The following CDH12 variants were observed in gnomAD, a reference collection of about 807,000 sequenced individuals.
CDH12 encodes the protein cadherin-12.
A neutral mutation model predicts 74.1 loss-of-function variants in CDH12; 41 were observed. The ratio of observed to expected loss-of-function variants is 0.55; its 90% CI spans 0.43 to 0.72. The LOEUF (loss-of-function observed/expected upper bound fraction) is 0.72. CDH12 is among the 30% of genes least tolerant of loss of function. CDH12 has a pLI of 0.00. For missense variants in CDH12, 945 were observed against 977.2 expected (o/e 0.97, Z 0.44); for synonymous variants, 399 against 355.0 (o/e 1.12, Z -1.39).
At chr5:22,693,340 A>G (rs1742183181) in intron 1 of CDH12, among the ~76,000 whole-genome samples, 1 of 152,166 alleles carries the variant, frequency 6.6e-6, no homozygotes, top group South Asian at 2.1e-4. Context: ...AAGAAGCCTC[A>G]CTGCCTTGGC....
chr5:21,991,780 G>A (rs943990706), intron 5 of CDH12, among the ~76,000 whole-genome samples: 2 of 151,326 alleles, frequency 1.3e-5, no homozygotes, highest in Non-Finnish European at 3.0e-5. Context: ...AAATGGATTT[G>A]AATGTGTAAT....
At chr5:22,094,007 G>A (rs1743592638) in intron 4 of CDH12, among the ~76,000 whole-genome samples, 1 of 152,104 alleles carries the variant, frequency 6.6e-6, no homozygotes, top group South Asian at 2.1e-4. Context: ...ATGTGCTAGT[G>A]CCTCACTGCT....
chr5:22,681,297 C>A (rs985664597), intron 1 of CDH12, among the ~76,000 whole-genome samples: 1 of 146,512 alleles, frequency 6.8e-6, no homozygotes, highest in Non-Finnish European at 1.5e-5. Flanking sequence ...GTTTTTTTTT[C>A]TAACTATTGA....
At chr5:21,930,720 T>C (rs1754795650) in intron 6 of CDH12, among the ~76,000 whole-genome samples, 1 of 152,222 alleles carries the variant, frequency 6.6e-6, no homozygotes, top group South Asian at 2.1e-4. Context: ...AATAAGAATG[T>C]AGCACAGTAT....
chr5:22,236,353 G>T (rs920351574), intron 3 of CDH12, among the ~76,000 whole-genome samples: 5 of 152,112 alleles, frequency 3.3e-5, no homozygotes, highest in African/African-American at 9.7e-5. Flanking sequence ...AGCTGTACAA[G>T]AATATTTTAT....
In CDH12 at chr5:21,751,609, AGT is replaced by A. The variant is rs1554025827; in HGVS notation, c.*126_*127del. ...GGTAATCAAAGGAATCTTGTCCCAGAGTGTGTGTGTGTGTGTGTGTGTTTGTG... is the reference window on the plus strand; with the variant it reads ...GGTAATCAAAGGAATCTTGTCCCAGAGTGTGTGTGTGTGTGTGTGTTTGTG... On this transcript the variant is annotated 3_prime_UTR_variant, in exon 15 of 15. Transcript: ENST00000382254. 2.1e-3 allele frequency: 1,163 copies of A among 550,848 alleles called. 2 individuals carry two copies. The highest frequency in any genetic ancestry group is 0.013 in the East Asian group (423 of 33,030). 34.1% of individuals were successfully genotyped at this position (550,848 alleles called of 1,614,324 possible).
At chr5:22,138,042 T>C (rs1262769913) in intron 4 of CDH12, among the ~76,000 whole-genome samples, 2 of 152,112 alleles carry the variant, frequency 1.3e-5, no homozygotes, top group African/African-American at 4.8e-5. Flanking sequence ...AAAATTATCA[T>C]ATGAAAACCA....
chr5:22,373,165 C>A (rs1449319914), intron 3 of CDH12, among the ~76,000 whole-genome samples: 2 of 152,166 alleles, frequency 1.3e-5, no homozygotes, highest in Non-Finnish European at 2.9e-5. Context: ...ATCAAGGGGC[C>A]TGGATATCCT....
chr5:22,462,524 T>C (rs1745563232), intron 2 of CDH12, among the ~76,000 whole-genome samples: 2 of 152,172 alleles, frequency 1.3e-5, no homozygotes, highest in South Asian at 4.1e-4. Context: ...CTGGGTGGCA[T>C]CGTGGCAGGC....
chr5:21,787,139 G>A (rs895181326), intron 10 of CDH12, among the ~76,000 whole-genome samples: 12 of 152,134 alleles, frequency 7.9e-5, no homozygotes, highest in African/African-American at 2.7e-4. Flanking sequence ...ACAGTGGCAG[G>A]TTTTAGGAGG....
At chr5:22,198,383 A>G (rs1380011634) in intron 4 of CDH12, among the ~76,000 whole-genome samples, 19 of 152,096 alleles carry the variant, frequency 1.2e-4, no homozygotes, top group Admixed American at 1.1e-3. Context: ...TAAATATGTT[A>G]CATACATGAT....
chr5:21,847,219 C>A (rs540034824), intron 7 of CDH12, among the ~76,000 whole-genome samples: 2 of 152,216 alleles, frequency 1.3e-5, no homozygotes, highest in East Asian at 1.9e-4. Flanking sequence ...ACACTGTCTT[C>A]CCCAGCCAGA....
intron 4 of CDH12, among the ~76,000 whole-genome samples, chr5:22,175,223 T>C (rs1311125080): frequency 6.6e-6 from 1 of 151,982 alleles, no homozygotes; most frequent in Non-Finnish European, 1.5e-5. Flanking sequence ...GTTTAACAGA[T>C]TATCAGTATT....
chr5:22,073,591 T>C lies in CDH12; in HGVS notation c.231+4855A>G, dbSNP rs139644931. ...AGTTAATTTATTTCTTACTGTACAGTATGAAAACATACTTATCTAGGTAAT... is the reference window on the plus strand; with the variant it reads ...AGTTAATTTATTTCTTACTGTACAGCATGAAAACATACTTATCTAGGTAAT... On this transcript the variant is annotated intron_variant, in intron 5 of 14. Transcript: ENST00000382254. 6.9e-3 allele frequency among the ~76,000 whole-genome samples: 1,052 copies of C among 152,280 alleles called. 5 individuals carry two copies. Among genetic ancestry groups the C allele is most frequent in the Non-Finnish European group, 9.9e-3 (672 of 68,016 alleles).
At chr5:22,776,099 T>C (rs1043408350) in intron 1 of CDH12, among the ~76,000 whole-genome samples, 1 of 152,182 alleles carries the variant, frequency 6.6e-6, no homozygotes, top group African/African-American at 2.4e-5. Flanking sequence ...GGTAGGTCTT[T>C]GTCAGCAGCA....
At chr5:22,423,968 A>C (rs1310282948) in intron 2 of CDH12, among the ~76,000 whole-genome samples, 2 of 134,332 alleles carry the variant, frequency 1.5e-5, no homozygotes, top group Non-Finnish European at 3.1e-5. Flanking sequence ...CCGCCACTGC[A>C]CTCCAGCCTG....
chr5:22,580,833 T>C (rs539616028), intron 1 of CDH12: 2 of 184,932 alleles, frequency 1.1e-5, no homozygotes, highest in South Asian at 2.5e-4. Flanking sequence ...TATGTTATCA[T>C]TGCTATGTTT....
At chr5:22,485,854 C>G (rs1166825916) in intron 2 of CDH12, among the ~76,000 whole-genome samples, 1 of 152,158 alleles carries the variant, frequency 6.6e-6, no homozygotes, top group Non-Finnish European at 1.5e-5. Flanking sequence ...TTTACTCATA[C>G]ATTTCTAATG....
At chr5:22,202,493 T>C (rs970097732) in intron 4 of CDH12, among the ~76,000 whole-genome samples, 2 of 152,168 alleles carry the variant, frequency 1.3e-5, no homozygotes, top group African/African-American at 4.8e-5. Flanking sequence ...CCCTTAGTGT[T>C]CTATCTCTGA....
Sources: gnomAD v4.1 joint callset for allele counts (sites outside exome capture counted in the v4.1 genomes callset) on GRCh38, gnomAD v4.1.1 for gene constraint, MANE v1.5 for transcripts, NCBI Gene and HGNC (gene_info 2026-07-23, HGNC 2026-07-21) for gene names.